The following TBC1D12 variants were observed in gnomAD, a reference collection of about 807,000 sequenced individuals.
TBC1D12 encodes TBC1 domain family, member 12.
In TBC1D12, 56 loss-of-function variants were observed where a neutral mutation model predicts 86.7. The observed-to-expected ratio is 0.65, with a 90% CI of 0.52 to 0.81. TBC1D12 has a LOEUF of 0.81. TBC1D12 is among the 30% of genes least tolerant of loss of function. The pLI is 0.00. For missense variants in TBC1D12, 1,023 were observed against 1,038.8 expected, an observed-to-expected ratio of 0.98 and a Z score of 0.21; for synonymous variants, 421 against 411.7, an observed-to-expected ratio of 1.02 and a Z score of -0.27.
chr10:94,493,303 G>A, intron 3 of TBC1D12, 62 bp from the exon 4 acceptor site: 1 of 1,302,134 alleles, frequency 7.7e-7, no homozygotes, highest in South Asian at 1.3e-5. Flanking sequence ...AAACAAATAA[G>A]TTAGTAAGTT....
In TBC1D12 at chr10:94,403,057, T is replaced by A. The variant is rs754402697; in HGVS notation, c.444T>A (p.Asp148Glu). The A allele has an allele frequency of 1.9e-6, 3 of 1,542,766 alleles. No homozygotes were observed. The African/African-American group carries it at 4.3e-5, about 22-fold the overall frequency. The change falls in exon 1 of 13, where the codon GAT becomes GAA. Residue 148 changes from aspartate (D) to glutamate (E), a missense_variant. This residue lies in a region of TBC1D12 where 628 missense variants were observed against 531.1 expected (regional missense o/e 1.18). Transcript: ENST00000225235. ...SGFLPGRDCR[D>E]LEEARGLARA... ...TTCTGCCGGGCCGGGACTGTCGCGATCTGGAAGAGGCTCGCGGGCTGGCGC... is the reference window on the plus strand; with the variant it reads ...TTCTGCCGGGCCGGGACTGTCGCGAACTGGAAGAGGCTCGCGGGCTGGCGC...
At chr10:94,532,041 C>T (rs1243212195) in intron 12 of TBC1D12, among the ~76,000 whole-genome samples, 16 of 151,558 alleles carry the variant, frequency 1.1e-4, no homozygotes, top group Admixed American at 4.6e-4. Flanking sequence ...CCACCACGCC[C>T]GGCTAATTTT....
At position 94,477,028 on chromosome 10, in the gene TBC1D12, G is replaced by T. The variant is rs191045549; in HGVS notation, c.1211+2245G>T. Reference sequence around the variant, plus strand: ...AATGGAATTGTCTTGAAATAACATGGTAGGTACAATAACATTATGAAAAGA... The same window carrying T: ...AATGGAATTGTCTTGAAATAACATGTTAGGTACAATAACATTATGAAAAGA... On this transcript the variant is annotated intron_variant, in intron 3 of 12. Transcript: ENST00000225235. 1.6e-3 allele frequency among the ~76,000 whole-genome samples: 237 copies of T among 152,208 alleles called. 1 individual carries two copies. Among genetic ancestry groups the T allele is most frequent in the Non-Finnish European group, 2.7e-3 (186 of 68,012 alleles).
chr10:94,463,500 G>C (rs924751116), intron 2 of TBC1D12, among the ~76,000 whole-genome samples: 1 of 152,154 alleles, frequency 6.6e-6, no homozygotes, highest in Non-Finnish European at 1.5e-5. Flanking sequence ...TCCATGAACA[G>C]ATTAATCCAT....
At chr10:94,403,722 C>T in intron 1 of TBC1D12, 138 bp downstream of exon 1, 1 of 1,077,802 alleles carries the variant, frequency 9.3e-7, no homozygotes, top group East Asian at 3.2e-5. Flanking sequence ...CCACACGCGT[C>T]AGGACTTAGC....
At chr10:94,457,612 T>C (rs1040712717) in intron 2 of TBC1D12, among the ~76,000 whole-genome samples, 13 of 152,152 alleles carry the variant, frequency 8.5e-5, no homozygotes, top group African/African-American at 3.1e-4. Context: ...TTTAGACCAT[T>C]GATATTTAAA....
intron 2 of TBC1D12, among the ~76,000 whole-genome samples, chr10:94,454,984 C>T (rs1016681700): frequency 3.9e-5 from 6 of 152,160 alleles, no homozygotes; most frequent in Non-Finnish European, 7.3e-5. Flanking sequence ...CTTCTAGTTT[C>T]TCACCATTAA....
intron 2 of TBC1D12, among the ~76,000 whole-genome samples, chr10:94,460,663 A>G (rs1449601484): frequency 6.6e-6 from 1 of 151,362 alleles, no homozygotes; most frequent in Non-Finnish European, 1.5e-5. Flanking sequence ...GGAAATTCTC[A>G]GTCCATATTG....
At chr10:94,474,845 T>A in intron 3 of TBC1D12, 62 bp downstream of exon 3, 1 of 1,439,104 alleles carries the variant, frequency 6.9e-7, no homozygotes, top group Non-Finnish European at 9.6e-7. Context: ...TTAATTTTGT[T>A]CACTATTTTA....
rs139557910 is a variant in TBC1D12 at position 94,500,795 on chromosome 10, C to T, written c.1519+468C>T. On this transcript the variant is annotated intron_variant, in intron 6 of 12. Coordinates refer to ENST00000225235, the MANE Select transcript of TBC1D12 (RefSeq NM_015188.2). Reference sequence around the variant, plus strand: ...TTTAGGCCGGGCGCAGTGGCTCATGCCTGTAATCCCAGCACTTTGGGAGGC... The same window carrying T: ...TTTAGGCCGGGCGCAGTGGCTCATGTCTGTAATCCCAGCACTTTGGGAGGC... 7.6e-3 allele frequency among the ~76,000 whole-genome samples: 1,158 copies of T among 152,140 alleles called. 16 individuals are homozygous for T. The highest frequency in any genetic ancestry group is 0.027 in the African/African-American group (1,107 of 41,504).
chr10:94,513,211 C>T (rs2056546680), intron 9 of TBC1D12, among the ~76,000 whole-genome samples: 3 of 147,358 alleles, frequency 2.0e-5, no homozygotes, highest in Non-Finnish European at 3.0e-5. Flanking sequence ...CGTGCCACTG[C>T]ACTCCAGCCT....
intron 3 of TBC1D12, among the ~76,000 whole-genome samples, chr10:94,488,093 A>G (rs2056194813): frequency 6.6e-6 from 1 of 151,818 alleles, no homozygotes; most frequent in African/African-American, 2.4e-5. Context: ...TAATCTTTCT[A>G]CTTAAGAGTA....
chr10:94,492,164 A>G (rs1266046725), intron 3 of TBC1D12, among the ~76,000 whole-genome samples: 1 of 152,154 alleles, frequency 6.6e-6, no homozygotes, highest in Non-Finnish European at 1.5e-5. Flanking sequence ...CTTAATCTCA[A>G]TTAAATTAAA....
intron 2 of TBC1D12, among the ~76,000 whole-genome samples, chr10:94,460,255 G>T (rs933674475): frequency 1.3e-5 from 2 of 152,056 alleles, no homozygotes; most frequent in African/African-American, 4.8e-5. Context: ...AAAGAAAAAA[G>T]AAAAATATCT....
chr10:94,470,215 A>T (rs1222770299), intron 2 of TBC1D12, among the ~76,000 whole-genome samples: 1 of 152,154 alleles, frequency 6.6e-6, no homozygotes, highest in African/African-American at 2.4e-5. Flanking sequence ...ATCCAAAGTT[A>T]ACTGATTGTA....
rs1471850456 is a variant in TBC1D12, at chr10:94,415,509, G to A, written c.971+11925G>A. 5.9e-5 allele frequency among the ~76,000 whole-genome samples: 9 copies of A among 152,302 alleles called. No homozygotes were observed. The South Asian group carries it at 6.2e-4, about 11-fold the overall frequency. On this transcript the variant is annotated intron_variant, in intron 1 of 12. Transcript: ENST00000225235. ...AGCACTTTGGGAGGCCGAGGCAGGC[G>A]GATCACGAGGTCAGGAGATCGAGAC...
At chr10:94,404,501 C>T (rs2054823424) in intron 1 of TBC1D12, among the ~76,000 whole-genome samples, 1 of 151,408 alleles carries the variant, frequency 6.6e-6, no homozygotes, top group Non-Finnish European at 1.5e-5. Flanking sequence ...CAAAAATTAG[C>T]CAGGCGTGGT....
intron 5 of TBC1D12, among the ~76,000 whole-genome samples, chr10:94,499,871 C>T (rs567706824): frequency 5.3e-4 from 80 of 152,314 alleles, no homozygotes; most frequent in Admixed American, 1.2e-3. Context: ...GGCCTTCCCA[C>T]TGTAGATTCT....
chr10:94,501,092 G>GAATA lies in TBC1D12; in HGVS notation c.1519+768_1519+769insAAAT, dbSNP rs1268926722. On this transcript the variant is annotated intron_variant, in intron 6 of 12. Coordinates refer to ENST00000225235, the MANE Select transcript of TBC1D12 (RefSeq NM_015188.2). ...TGAATAAATGAATGAATGAATGAAT[G>GAATA]AATGAATAAATAAATAAATAAATAA... Among the ~76,000 whole-genome samples, 1,455 of 146,800 alleles carry GAATA rather than the reference G, an allele frequency of 9.9e-3. 19 individuals are homozygous for GAATA. The highest frequency in any genetic ancestry group is 0.062 in the East Asian group (288 of 4,646).
Sources: allele counts gnomAD v4.1 joint callset (sites outside exome capture counted in the v4.1 genomes callset), GRCh38; gene constraint gnomAD v4.1.1; regional missense constraint gnomAD v4.1.1; transcripts MANE v1.5; gene names NCBI Gene and HGNC (gene_info 2026-07-23, HGNC 2026-07-21).